SPATS2: variants seen among roughly 807,000 people sequenced by gnomAD.
SPATS2 encodes spermatogenesis associated serine rich 2, also known as spermatogenesis-associated serine-rich protein 2.
In SPATS2, 38 loss-of-function variants were observed where a neutral mutation model predicts 63.7. The ratio of observed to expected loss-of-function variants is 0.60; its 90% CI spans 0.46 to 0.78. The LOEUF (loss-of-function observed/expected upper bound fraction) is 0.78, where lower values mean the gene tolerates loss of function less well. Ranked by LOEUF, SPATS2 falls within the 30% of genes least tolerant of loss-of-function variation. SPATS2 has a pLI of 0.00. For missense variants in SPATS2, 588 were observed against 666.2 expected (o/e 0.88, Z 1.29); for synonymous variants, 207 against 232.9 (o/e 0.89, Z 1.01).
At chr12:49,462,638 A>T in intron 3 of SPATS2, 1 of 589,984 alleles carries the variant, frequency 1.7e-6, no homozygotes, top group Non-Finnish European at 3.0e-6. Context: ...GAAGGATGGT[A>T]AATGCGGGAG....
intron 3 of SPATS2, 137 bp downstream of exon 3, chr12:49,461,174 T>C (rs2137678497): frequency 1.2e-6 from 1 of 855,824 alleles, no homozygotes; most frequent in East Asian, 2.7e-5. Context: ...ATTATCGCTT[T>C]GTGTATTACT....
At chr12:49,459,872 G>C (rs983665929) in intron 2 of SPATS2, among the ~76,000 whole-genome samples, 2 of 145,090 alleles carry the variant, frequency 1.4e-5, no homozygotes, top group Non-Finnish European at 3.0e-5. Flanking sequence ...GGATCACGAG[G>C]TCAGGAGTTC....
intron 2 of SPATS2, among the ~76,000 whole-genome samples, chr12:49,379,854 C>G (rs1944182836): frequency 6.6e-6 from 1 of 152,036 alleles, no homozygotes; most frequent in Non-Finnish European, 1.5e-5. Context: ...AACTCCTGAC[C>G]TCAGGTGATC....
At position 49,478,546 on chromosome 12, in the gene SPATS2, A is replaced by G. The variant is rs553733803; in HGVS notation, c.26-6044A>G. Among the ~76,000 whole-genome samples the G allele has an allele frequency of 6.6e-5, 10 of 152,258 alleles. No homozygotes were observed. In the East Asian group the frequency reaches 1.9e-3, roughly 29 times the overall value. On this transcript the variant is annotated intron_variant, in intron 3 of 13. Transcript: ENST00000552918. ...TTGGCTGTGTTCAGTCTGAAGGAGA[A>G]CTTCAGGTTGTTTAATTGTTCATGA...
At chr12:49,377,442 A>G (rs890944087) in intron 2 of SPATS2, among the ~76,000 whole-genome samples, 2 of 152,224 alleles carry the variant, frequency 1.3e-5, no homozygotes, top group Non-Finnish European at 2.9e-5. Flanking sequence ...TTGTTACCTG[A>G]AATCTTAACA....
At position 49,460,755 on chromosome 12, in the gene SPATS2, T is replaced by G; in HGVS notation, c.-243-15T>G. On this transcript the variant is annotated splice_polypyrimidine_tract_variant and intron_variant, in intron 2 of 13. Coordinates refer to ENST00000552918, the MANE Select transcript of SPATS2 (RefSeq NM_023071.4). ...TACTGTAATAGTATATGTGTGTTTG[T>G]GTTTTTCCCTCCAGAATCTCCCTGG... The G allele has an allele frequency of 1.9e-6, 1 of 520,586 alleles. No individual in the cohort carries two copies. The highest frequency in any genetic ancestry group is 3.4e-6 in the Non-Finnish European group (1 of 290,604). The allele number at this position is 520,586 out of a possible 1,614,324, so 32.2% of individuals were successfully genotyped here.
rs543334499 is a variant in SPATS2, at chr12:49,418,122, T to G, written c.-243-42648T>G. On this transcript the variant is annotated intron_variant, in intron 2 of 13. Transcript: ENST00000552918. ...TAAATGACTCAGTTTTTTTTTTTTT[T>G]TTTTTTTTTTGAGGCAGGGTCTCAC... 1.1e-4 allele frequency among the ~76,000 whole-genome samples: 16 copies of G among 143,234 alleles called. 1 individual carries two copies. In the East Asian group the frequency reaches 3.2e-3, roughly 28 times the overall value. 94.0% of individuals were successfully genotyped at this position (143,234 alleles called of 152,430 possible). A position where few individuals can be genotyped will look rare whatever the true frequency, so the allele number is the denominator to read the frequency against.
intron 3 of SPATS2, among the ~76,000 whole-genome samples, chr12:49,464,860 C>A (rs899649672): frequency 2.6e-5 from 4 of 151,994 alleles, no homozygotes; most frequent in African/African-American, 9.7e-5. Flanking sequence ...TTTCCTTATC[C>A]CCCAATATTC....
intron 2 of SPATS2, among the ~76,000 whole-genome samples, chr12:49,391,182 CTG>C (rs2137246290): frequency 6.6e-6 from 1 of 152,286 alleles, no homozygotes; most frequent in East Asian, 1.9e-4. Flanking sequence ...GTGGGGTAAT[CTG>C]TGGATTTAGA....
intron 3 of SPATS2, among the ~76,000 whole-genome samples, chr12:49,468,325 A>G (rs1344062644): frequency 6.6e-6 from 1 of 151,232 alleles, no homozygotes; most frequent in South Asian, 2.1e-4. Flanking sequence ...ATGCCCAGCT[A>G]ATTTTTGTAT....
intron 11 of SPATS2, among the ~76,000 whole-genome samples, 179 bp downstream of exon 11, chr12:49,519,361 T>G (rs1351120605): frequency 1.3e-5 from 2 of 152,208 alleles, no homozygotes; most frequent in Non-Finnish European, 2.9e-5. Flanking sequence ...TTGTCCCAGC[T>G]GGAAACCTTA....
At chr12:49,475,091 G>A (rs1418046889) in intron 3 of SPATS2, among the ~76,000 whole-genome samples, 1 of 152,220 alleles carries the variant, frequency 6.6e-6, no homozygotes. Flanking sequence ...AATTATGGGA[G>A]CTACAAGATG....
chr12:49,468,729 G>A (rs1247744180), intron 3 of SPATS2, among the ~76,000 whole-genome samples: 1 of 151,898 alleles, frequency 6.6e-6, no homozygotes, highest in Non-Finnish European at 1.5e-5. Context: ...CACCTGCCTC[G>A]ACCTCCCAAC....
chr12:49,451,180 GT>G (rs1218105370), intron 2 of SPATS2, among the ~76,000 whole-genome samples: 1 of 151,934 alleles, frequency 6.6e-6, no homozygotes, highest in East Asian at 1.9e-4. Context: ...CCAGGTATTT[GT>G]TTTTTTGTGT....
At chr12:49,509,724 C>T (rs971498862) in intron 9 of SPATS2, among the ~76,000 whole-genome samples, 4 of 149,100 alleles carry the variant, frequency 2.7e-5, no homozygotes, top group Middle Eastern at 3.4e-3. Flanking sequence ...GGCTGAGGCA[C>T]GAGAATCGCT....
intron 10 of SPATS2, among the ~76,000 whole-genome samples, chr12:49,516,172 T>A (rs1403443952): frequency 0.044 from 648 of 14,878 alleles, 44 homozygotes; most frequent in Non-Finnish European, 0.053. Flanking sequence ...AAAAAATATA[T>A]ATATATATAT....
chr12:49,519,031 T>C, intron 10 of SPATS2, 42 bp from the exon 11 acceptor site: 1 of 1,520,008 alleles, frequency 6.6e-7, no homozygotes, highest in Non-Finnish European at 9.1e-7. Context: ...CTTTATCCTA[T>C]TTAGCAGCAA....
chr12:49,400,980 C>A (rs1223323155), intron 2 of SPATS2, among the ~76,000 whole-genome samples: 1 of 152,146 alleles, frequency 6.6e-6, no homozygotes, highest in Non-Finnish European at 1.5e-5. Context: ...TCAAGTGATT[C>A]TCCCACCTCA....
Position 49,494,734 on chromosome 12 carries a change from A to G in SPATS2, c.265-7A>G. On this transcript the variant is annotated splice_polypyrimidine_tract_variant and splice_region_variant and intron_variant, in intron 6 of 13. Coordinates refer to ENST00000552918, the MANE Select transcript of SPATS2 (RefSeq NM_023071.4). ...TCTTTTCTTTTTCAAATTTTTAATA[A>G]CTTTAGAACAAAAAGAAGAAAAACA... The G allele has an allele frequency of 6.7e-7, 1 of 1,498,352 alleles. No homozygotes were observed. The highest frequency in any genetic ancestry group is 8.9e-7 in the Non-Finnish European group (1 of 1,125,142). 92.8% of individuals were successfully genotyped at this position (1,498,352 alleles called of 1,614,324 possible).
Sources: allele counts gnomAD v4.1 joint callset (sites outside exome capture counted in the v4.1 genomes callset), GRCh38; gene constraint gnomAD v4.1.1; transcripts MANE v1.5; gene names NCBI Gene and HGNC (gene_info 2026-07-23, HGNC 2026-07-21).